The following PPME1 variants were observed in gnomAD, a reference collection of about 807,000 sequenced individuals.
The protein encoded by PPME1 is testicular secretory protein Li 39.
A neutral mutation model predicts 56.9 loss-of-function variants in PPME1; 17 were observed. The observed-to-expected ratio is 0.30, with a 90% CI of 0.20 to 0.45. The LOEUF is 0.45. PPME1 is among the 20% of genes least tolerant of loss of function. PPME1 has a pLI of 1.00. For synonymous variants in PPME1, 122 were observed against 156.2 expected, an observed-to-expected ratio of 0.78 and a Z score of 1.63; for missense variants, 357 against 483.2, an observed-to-expected ratio of 0.74 and a Z score of 2.45.
chr11:74,236,041 T>A, intron 8 of PPME1, 75 bp downstream of exon 8: 1 of 1,553,544 alleles, frequency 6.4e-7, no homozygotes, highest in South Asian at 1.2e-5. Flanking sequence ...GCTTCTTTTG[T>A]CTTACACCAA....
At chr11:74,237,298 CAG>C (rs1859217045) in intron 8 of PPME1, among the ~76,000 whole-genome samples, 1 of 114,436 alleles carries the variant, frequency 8.7e-6, no homozygotes, top group African/African-American at 5.8e-5. Context: ...TTTTTTGAGA[CAG>C]AGTCTCACTC....
chr11:74,225,458 A>G (rs1241929132), intron 5 of PPME1, among the ~76,000 whole-genome samples: 1 of 152,164 alleles, frequency 6.6e-6, no homozygotes, highest in African/African-American at 2.4e-5. Flanking sequence ...GGTGTGTCCA[A>G]TGCAATGGTC....
chr11:74,192,596 C>G (rs1438098025), intron 1 of PPME1, among the ~76,000 whole-genome samples: 7 of 152,056 alleles, frequency 4.6e-5, no homozygotes, highest in Non-Finnish European at 1.0e-4. Context: ...AATGTAATCC[C>G]CAATGCTGGA....
Position 74,222,503 on chromosome 11 carries a change from G to A in PPME1, c.346+134G>A, listed in dbSNP as rs777392442. Reference sequence around the variant, plus strand: ...TCCATTTGAGCTTTTTGTTGTTGTCGTTGGAGATGGAGTCTCATTCTGTCG... The same window carrying A: ...TCCATTTGAGCTTTTTGTTGTTGTCATTGGAGATGGAGTCTCATTCTGTCG... On this transcript the variant is annotated intron_variant, in intron 4 of 13. Coordinates refer to ENST00000328257, the MANE Select transcript of PPME1 (RefSeq NM_016147.3). The A allele has an allele frequency of 9.8e-5, 77 of 788,722 alleles. No individual in the cohort carries two copies. In the African/African-American group the frequency reaches 1.2e-3, roughly 12 times the overall value. 48.9% of individuals were successfully genotyped at this position (788,722 alleles called of 1,614,324 possible).
chr11:74,200,501 C>G (rs1352037781), intron 1 of PPME1, among the ~76,000 whole-genome samples: 2 of 152,028 alleles, frequency 1.3e-5, no homozygotes, highest in Non-Finnish European at 2.9e-5. Flanking sequence ...CCTGCTTCAG[C>G]CTTCCCGAGT....
chr11:74,216,742 A>G (rs1216631141), intron 3 of PPME1, among the ~76,000 whole-genome samples: 1 of 151,842 alleles, frequency 6.6e-6, no homozygotes, highest in African/African-American at 2.4e-5. Context: ...TAGCTAGACT[A>G]AGAAAAAAGA....
chr11:74,239,670 G>A (rs539307454), intron 9 of PPME1, among the ~76,000 whole-genome samples: 36 of 149,462 alleles, frequency 2.4e-4, no homozygotes, highest in African/African-American at 7.9e-4. Flanking sequence ...TCCGCCTCCC[G>A]GGTTCACGCC....
intron 7 of PPME1, among the ~76,000 whole-genome samples, chr11:74,233,868 CAG>C (rs1408354349): frequency 6.6e-6 from 1 of 152,100 alleles, no homozygotes; most frequent in African/African-American, 2.4e-5. Context: ...TGAGGTCAGA[CAG>C]ATACAAATTT....
At chr11:74,182,255 A>G (rs1591015542) in intron 1 of PPME1, among the ~76,000 whole-genome samples, 1 of 152,230 alleles carries the variant, frequency 6.6e-6, no homozygotes, top group Non-Finnish European at 1.5e-5. Context: ...AGAAAATGAG[A>G]TGATTTATGT....
intron 1 of PPME1, among the ~76,000 whole-genome samples, chr11:74,190,325 TC>T (rs974477702): frequency 6.6e-6 from 1 of 152,218 alleles, no homozygotes; most frequent in African/African-American, 2.4e-5. Flanking sequence ...CTTAGTGCTA[TC>T]CCCTTGGTAA....
chr11:74,248,451 T>A (rs2135680781), intron 11 of PPME1: 1 of 152,328 alleles, frequency 6.6e-6, no homozygotes, highest in African/African-American at 2.4e-5. Context: ...TCCTCAAGCT[T>A]TCCACAGCAA....
chr11:74,187,008 T>C (rs1857701750), intron 1 of PPME1, among the ~76,000 whole-genome samples: 1 of 152,222 alleles, frequency 6.6e-6, no homozygotes, highest in South Asian at 2.1e-4. Flanking sequence ...AAAAGGTTTC[T>C]TTTCCTATAC....
intron 11 of PPME1, chr11:74,250,661 C>G (rs1470996742): frequency 1.3e-5 from 4 of 312,668 alleles, no homozygotes; most frequent in East Asian, 1.1e-4. Context: ...GTGTTTTACT[C>G]CCCTACTGGA....
intron 9 of PPME1, among the ~76,000 whole-genome samples, chr11:74,240,340 CTGA>C (rs1859324846): frequency 6.6e-6 from 1 of 152,166 alleles, no homozygotes; most frequent in African/African-American, 2.4e-5. Flanking sequence ...GTGGCAGAAA[CTGA>C]TGTTCTGCAT....
chr11:74,214,077 A>G (rs1429414363), intron 3 of PPME1, among the ~76,000 whole-genome samples: 6 of 152,248 alleles, frequency 3.9e-5, no homozygotes, highest in Admixed American at 3.9e-4. Context: ...AGGAAATTCA[A>G]CAAAATTTGA....
chr11:74,176,480 A>T (rs776856772), intron 1 of PPME1, among the ~76,000 whole-genome samples: 3 of 151,698 alleles, frequency 2.0e-5, no homozygotes, highest in Non-Finnish European at 4.4e-5. Flanking sequence ...TTAAATTTAT[A>T]TGCCATAGAA....
intron 4 of PPME1, among the ~76,000 whole-genome samples, chr11:74,224,713 A>G (rs1858889790): frequency 6.7e-6 from 1 of 149,264 alleles, no homozygotes; most frequent in Non-Finnish European, 1.5e-5. Context: ...GCAATTGTGA[A>G]TGGGAGTTCA....
At chr11:74,195,639 C>T (rs1377295407) in intron 1 of PPME1, among the ~76,000 whole-genome samples, 3 of 152,178 alleles carry the variant, frequency 2.0e-5, no homozygotes, top group Non-Finnish European at 2.9e-5. Context: ...GGTTGAAGGA[C>T]ACCTGTCTAA....
chr11:74,195,568 A>G (rs1487185436), intron 1 of PPME1, among the ~76,000 whole-genome samples: 1 of 152,176 alleles, frequency 6.6e-6, no homozygotes, highest in East Asian at 1.9e-4. Flanking sequence ...GTCTACAAAC[A>G]TTCTTATATG....
Sources: gnomAD v4.1 joint callset for allele counts (sites outside exome capture counted in the v4.1 genomes callset) on GRCh38, gnomAD v4.1.1 for gene constraint, MANE v1.5 for transcripts, NCBI Gene and HGNC (gene_info 2026-07-23, HGNC 2026-07-21) for gene names.